The following NPAS3 variants were observed in gnomAD, a reference collection of about 807,000 sequenced individuals.
NPAS3 encodes neuronal PAS domain protein 3.
A neutral mutation model predicts 73.1 loss-of-function variants in NPAS3; 14 were observed. The observed-to-expected ratio is 0.19, with a 90% confidence interval of 0.13 to 0.30. The LOEUF (loss-of-function observed/expected upper bound fraction) is 0.30. Ranked by LOEUF, NPAS3 falls within the 10% of genes least tolerant of loss-of-function variation. The probability of loss-of-function intolerance (pLI) is 1.00; values close to 1 mark genes in which losing one functional copy is unlikely to be tolerated. For missense variants in NPAS3, 1,096 were observed against 1,250.0 expected, an observed-to-expected ratio of 0.88 and a Z score of 1.86; for synonymous variants, 620 against 541.5, an observed-to-expected ratio of 1.14 and a Z score of -2.01.
chr14:33,384,778 T>A (rs1212671507), intron 4 of NPAS3, among the ~76,000 whole-genome samples: 3 of 152,182 alleles, frequency 2.0e-5, no homozygotes, highest in African/African-American at 4.8e-5. Context: ...TTTATTTAAA[T>A]CTTTTATCTA....
chr14:33,267,728 G>A (rs1398632602), intron 3 of NPAS3, among the ~76,000 whole-genome samples: 1 of 152,198 alleles, frequency 6.6e-6, no homozygotes, highest in Non-Finnish European at 1.5e-5. Context: ...TGACTAGATT[G>A]TAACCACCTT....
At chr14:33,587,323 T>C (rs1190718605) in intron 5 of NPAS3, among the ~76,000 whole-genome samples, 2 of 152,222 alleles carry the variant, frequency 1.3e-5, no homozygotes, top group African/African-American at 2.4e-5. Context: ...CTAGCACTTA[T>C]GACAGATGTA....
At chr14:33,224,065 A>G (rs1200628880) in intron 3 of NPAS3, among the ~76,000 whole-genome samples, 1 of 152,172 alleles carries the variant, frequency 6.6e-6, no homozygotes, top group Non-Finnish European at 1.5e-5. Flanking sequence ...CATCCAACTT[A>G]TTTTAAAAAG....
intron 4 of NPAS3, among the ~76,000 whole-genome samples, chr14:33,440,685 G>C (rs1313458430): frequency 6.6e-6 from 1 of 152,144 alleles, no homozygotes; most frequent in East Asian, 1.9e-4. Context: ...CTGAGGTCAG[G>C]AGTTCAAGAC....
At position 33,017,181 on chromosome 14, in the gene NPAS3, C is replaced by G. The variant is rs187219579; in HGVS notation, c.51-38724C>G. Among the ~76,000 whole-genome samples, 283 of 152,208 alleles carry G rather than the reference C, an allele frequency of 1.9e-3. 4 individuals are homozygous for G. The highest frequency in any genetic ancestry group is 6.5e-3 in the African/African-American group (272 of 41,550). On this transcript the variant is annotated intron_variant, in intron 1 of 11. Coordinates refer to ENST00000356141, the Ensembl canonical transcript of NPAS3. Reference sequence around the variant, plus strand: ...GGAAAGAGGAGAGATGAGCCAATTTCTTGATATTTTGCAACAAATGGATGC... The same window carrying G: ...GGAAAGAGGAGAGATGAGCCAATTTGTTGATATTTTGCAACAAATGGATGC...
At chr14:33,020,821 C>T (rs547270587) in intron 1 of NPAS3, among the ~76,000 whole-genome samples, 5 of 151,894 alleles carry the variant, frequency 3.3e-5, no homozygotes, top group Admixed American at 6.6e-5. Flanking sequence ...AGTGCGGTGG[C>T]GTGATCTCGG....
intron 1 of NPAS3, among the ~76,000 whole-genome samples, chr14:32,942,353 G>C (rs919833083): frequency 2.6e-5 from 4 of 152,112 alleles, no homozygotes; most frequent in Admixed American, 2.6e-4. Flanking sequence ...TTTCCTTATA[G>C]TAATGTTTAT....
intron 5 of NPAS3, among the ~76,000 whole-genome samples, chr14:33,601,909 G>T (rs11622387): frequency 6.6e-6 from 1 of 151,968 alleles, no homozygotes; most frequent in African/African-American, 2.4e-5. Flanking sequence ...TTAGAAAAGA[G>T]ACAGAAGATA....
Position 32,986,643 on chromosome 14 carries a change from C to T in NPAS3, c.50+47277C>T, listed in dbSNP as rs116487325. ...AAATTTAAAGTTATTTTCGGTGTCT[C>T]ATTCTACATTTTTAATAGTGGCATA... On this transcript the variant is annotated intron_variant, in intron 1 of 11. Transcript: ENST00000356141. Among the ~76,000 whole-genome samples, 469 of 152,272 alleles carry T rather than the reference C, an allele frequency of 3.1e-3. 4 individuals carry two copies. The highest frequency in any genetic ancestry group is 0.014 in the South Asian group (69 of 4,824).
intron 2 of NPAS3, among the ~76,000 whole-genome samples, chr14:33,188,165 G>A (rs941620862): frequency 3.3e-5 from 5 of 152,180 alleles, no homozygotes; most frequent in African/African-American, 1.2e-4. Context: ...AATGCATCAA[G>A]CATGTTAGCT....
At chr14:33,730,642 C>T (rs1435999882) in intron 6 of NPAS3, among the ~76,000 whole-genome samples, 1 of 152,186 alleles carries the variant, frequency 6.6e-6, no homozygotes, top group East Asian at 1.9e-4. Context: ...ATCCCTAACT[C>T]CGTGTGGCTG....
intron 5 of NPAS3, among the ~76,000 whole-genome samples, chr14:33,669,861 G>C (rs995131130): frequency 6.6e-6 from 1 of 152,136 alleles, no homozygotes; most frequent in Non-Finnish European, 1.5e-5. Flanking sequence ...TTCAGAACTG[G>C]TTATGCAGTA....
intron 6 of NPAS3, among the ~76,000 whole-genome samples, chr14:33,730,238 C>T (rs2061366858): frequency 6.6e-6 from 1 of 152,128 alleles, no homozygotes; most frequent in Non-Finnish European, 1.5e-5. Flanking sequence ...ACATAAATAA[C>T]TGTAAGAACA....
intron 3 of NPAS3, among the ~76,000 whole-genome samples, chr14:33,250,288 C>T (rs1239317832): frequency 1.3e-5 from 2 of 151,752 alleles, no homozygotes; most frequent in African/African-American, 4.8e-5. Flanking sequence ...TAAGGAGTTT[C>T]TCATTGCTGT....
chr14:33,591,501 C>G (rs2057065690), intron 5 of NPAS3, among the ~76,000 whole-genome samples: 1 of 152,202 alleles, frequency 6.6e-6, no homozygotes, highest in Non-Finnish European at 1.5e-5. Context: ...CTACTAAAGC[C>G]ACTGACTACC....
intron 5 of NPAS3, among the ~76,000 whole-genome samples, chr14:33,609,107 T>C (rs1439695627): frequency 2.6e-5 from 4 of 152,170 alleles, no homozygotes; most frequent in African/African-American, 7.2e-5. Flanking sequence ...CACTGAACTT[T>C]CCCTGCCTGC....
At chr14:33,098,651 C>A (rs10143592) in intron 2 of NPAS3, among the ~76,000 whole-genome samples, 72,971 of 151,976 alleles carry the variant, frequency 0.48, 18,611 homozygotes, top group Admixed American at 0.63. Context: ...GTTCCGGTCT[C>A]TACAGTCTGA....
At chr14:33,787,697 C>CA (rs922238624) in intron 9 of NPAS3, among the ~76,000 whole-genome samples, 80 of 151,936 alleles carry the variant, frequency 5.3e-4, no homozygotes, top group African/African-American at 1.8e-3. Flanking sequence ...GTCTGCACAG[C>CA]ATCAAAGCCT....
At chr14:33,082,051 C>T (rs748153429) in intron 2 of NPAS3, among the ~76,000 whole-genome samples, 19 of 152,088 alleles carry the variant, frequency 1.2e-4, no homozygotes, top group African/African-American at 3.6e-4. Context: ...TTAAAGCATC[C>T]GTGGAATGGA....
Sources: gnomAD v4.1 joint callset for allele counts (sites outside exome capture counted in the v4.1 genomes callset) on GRCh38, gnomAD v4.1.1 for gene constraint, MANE v1.5 for transcripts, NCBI Gene and HGNC (gene_info 2026-07-23, HGNC 2026-07-21) for gene names.